NIPBL: variants seen among roughly 807,000 people sequenced by gnomAD.
The protein encoded by NIPBL is NIPBL cohesin loading factor.
In NIPBL, 19 loss-of-function variants were observed where a neutral mutation model predicts 321.8. That is an observed-to-expected ratio of 0.06 (90% CI 0.04 to 0.09). The LOEUF (loss-of-function observed/expected upper bound fraction) is 0.09, where lower values mean the gene tolerates loss of function less well. Ranked by LOEUF, NIPBL falls within the 10% of genes least tolerant of loss-of-function variation. The pLI, the probability that NIPBL is intolerant of heterozygous loss-of-function variation, is 1.00. For missense variants in NIPBL, 2,210 were observed against 3,327.0 expected (o/e 0.66, Z 8.26); for synonymous variants, 1,106 against 1,114.1 (o/e 0.99, Z 0.14).
chr5:36,979,919 C>T (rs1439708643), intron 9 of NIPBL, among the ~76,000 whole-genome samples: 2 of 151,522 alleles, frequency 1.3e-5, no homozygotes, highest in African/African-American at 4.8e-5. Flanking sequence ...TTTTGCATGA[C>T]GTTAAATCTG....
At chr5:37,036,039 G>A (rs1751646532) in intron 32 of NIPBL, among the ~76,000 whole-genome samples, 1 of 151,912 alleles carries the variant, frequency 6.6e-6, no homozygotes, top group South Asian at 2.1e-4. Flanking sequence ...ATGTGATACT[G>A]TGTTTTTGAT....
intron 1 of NIPBL, chr5:36,885,170 C>CTGAGT: frequency 2.0e-6 from 1 of 501,532 alleles, no homozygotes; most frequent in East Asian, 5.6e-5. Flanking sequence ...TCAGCAAAGC[C>CTGAGT]TGAGTCCTGT....
At chr5:37,033,410 A>G (rs965797485) in intron 32 of NIPBL, among the ~76,000 whole-genome samples, 3 of 152,036 alleles carry the variant, frequency 2.0e-5, no homozygotes, top group African/African-American at 7.2e-5. Flanking sequence ...TTAGTACGAA[A>G]TAGAACAATG....
intron 6 of NIPBL, among the ~76,000 whole-genome samples, chr5:36,970,594 T>C (rs1267784715): frequency 2.6e-5 from 4 of 151,706 alleles, no homozygotes; most frequent in African/African-American, 7.3e-5. Flanking sequence ...TAAACTCAGA[T>C]CAAAATAGTG....
At chr5:36,887,054 C>T (rs533917801) in intron 1 of NIPBL, among the ~76,000 whole-genome samples, 1 of 152,182 alleles carries the variant, frequency 6.6e-6, no homozygotes, top group Admixed American at 6.5e-5. Context: ...TGGCAGCTGC[C>T]TTATTATTGA....
intron 1 of NIPBL, among the ~76,000 whole-genome samples, chr5:36,921,886 T>G (rs1748972545): frequency 6.9e-6 from 1 of 144,648 alleles, no homozygotes; most frequent in Non-Finnish European, 1.5e-5. Context: ...GTTTTGGGTT[T>G]TTTTTGTTTT....
rs771855265 is a variant in NIPBL at position 37,048,705 on chromosome 5, A to G, written c.6763+30A>G. 76 of 1,477,820 alleles carry G rather than the reference A, an allele frequency of 5.1e-5. No individual in the cohort carries two copies. The Middle Eastern group carries it at 1.0e-3, about 19-fold the overall frequency. 91.5% of individuals were successfully genotyped at this position (1,477,820 alleles called of 1,614,324 possible). A position where few individuals can be genotyped will look rare whatever the true frequency, so the allele number is the denominator to read the frequency against. On this transcript the variant is annotated intron_variant, in intron 39 of 46. Coordinates refer to ENST00000282516, the MANE Select transcript of NIPBL (RefSeq NM_133433.4). ...GTGAAAATATATTTTTAAATTTCAT[A>G]GCTACATTTATATTATAATGGCTTT...
chr5:36,996,007 T>C lies in NIPBL; in HGVS notation c.3304+203T>C, dbSNP rs1056203220. The stretch of plus-strand genomic sequence containing the variant: ...ACCAAGAAAAAAATATTAAATAAGC[T>C]ACAATTAATTTTAAAACACAGGTAG... On this transcript the variant is annotated intron_variant, in intron 11 of 46. Transcript: ENST00000282516. This position sits in a 1 kb window ranked among gnomAD's most constrained non-coding sequence, Gnocchi z 5.0. 1.4e-4 allele frequency among the ~76,000 whole-genome samples: 22 copies of C among 152,154 alleles called. No homozygotes were observed. Among genetic ancestry groups the C allele is most frequent in the African/African-American group, 4.3e-4 (18 of 41,438 alleles).
chr5:37,064,537 G>A lies in NIPBL; in HGVS notation c.8060G>A (p.Arg2687Lys), dbSNP rs1579633463. Residue 2687 changes from arginine (R) to lysine (K), a missense_variant, in exon 47 of 47, where the codon AGG becomes AAG. Physicochemically the swap from Arg to Lys is conservative, Grantham distance 26. Around this residue, in one of 14 missense-constraint regions of NIPBL, gnomAD observed 159 missense variants for 319.2 expected, o/e 0.50. Transcript: ENST00000282516. ...CTCCCAATGTTTTAGTCATTGAGAA[G>A]GTCAAAACGAAATTCAGACTCTACG... The part of the protein sequence containing the change: ...RGGGTSGSLR[R>K]SKRNSDSTEL... 6.2e-7 allele frequency: 1 copy of A among 1,613,058 alleles called. No individual in the cohort carries two copies. The highest frequency in any genetic ancestry group is 1.3e-5 in the African/African-American group (1 of 74,896).
intron 1 of NIPBL, among the ~76,000 whole-genome samples, chr5:36,910,707 GAAGGTA>G (rs1378179839): frequency 1.3e-5 from 2 of 152,140 alleles, no homozygotes; most frequent in African/African-American, 4.8e-5. Flanking sequence ...GGTGGAGTAA[GAAGGTA>G]AAGGTAAAGG....
intron 1 of NIPBL, among the ~76,000 whole-genome samples, chr5:36,942,695 C>T (rs542558627): frequency 3.3e-5 from 5 of 149,548 alleles, no homozygotes; most frequent in East Asian, 3.9e-4. Flanking sequence ...GAGCCGAGAT[C>T]GCACCACTGC....
Position 37,008,738 on chromosome 5 carries a change from C to G in NIPBL, c.4421+15C>G. 7.7e-7 allele frequency: 1 copy of G among 1,306,030 alleles called. No individual in the cohort carries two copies. The highest frequency in any genetic ancestry group is 1.1e-6 in the Non-Finnish European group (1 of 899,192). 80.9% of individuals were successfully genotyped at this position (1,306,030 alleles called of 1,614,324 possible). On this transcript the variant is annotated intron_variant, in intron 20 of 46. Coordinates refer to ENST00000282516, the MANE Select transcript of NIPBL (RefSeq NM_133433.4). ...AGGAACTTCAGGTAATTAATTATAACAGAGGTCAAGTTTAATGAAGAACCA... is the reference window on the plus strand; with the variant it reads ...AGGAACTTCAGGTAATTAATTATAAGAGAGGTCAAGTTTAATGAAGAACCA...
intron 42 of NIPBL, among the ~76,000 whole-genome samples, chr5:37,054,399 G>A (rs1470242614): frequency 1.3e-5 from 2 of 152,064 alleles, no homozygotes; most frequent in African/African-American, 2.4e-5. Context: ...GACACTATAC[G>A]AGGAGTGCCA....
intron 1 of NIPBL, among the ~76,000 whole-genome samples, chr5:36,952,053 T>TGTGTGTGTGCGCGCGCGC (rs778597604): frequency 2.7e-5 from 3 of 112,214 alleles, no homozygotes; most frequent in Non-Finnish European, 3.7e-5. Context: ...TGTGTGTGTG[T>TGTGTGTGTGCGCGCGCGC]GCGCGCGCGC....
intron 16 of NIPBL, 79 bp downstream of exon 16, chr5:37,003,426 T>A: frequency 2.4e-6 from 2 of 831,010 alleles, no homozygotes; most frequent in Non-Finnish European, 4.0e-6. Flanking sequence ...CTCTATTGTT[T>A]CATTTTCCAT....
chr5:36,877,849 A>C (rs1745213685), intron 1 of NIPBL, among the ~76,000 whole-genome samples: 1 of 152,208 alleles, frequency 6.6e-6, no homozygotes, highest in African/African-American at 2.4e-5. Flanking sequence ...ATACAGAAAA[A>C]CATACTGTGG....
intron 4 of NIPBL, among the ~76,000 whole-genome samples, chr5:36,959,335 G>C (rs1381297638): frequency 1.3e-5 from 2 of 152,148 alleles, no homozygotes; most frequent in African/African-American, 4.8e-5. Context: ...TGCTGATTCT[G>C]TGTACTTGTG....
At chr5:37,007,967 C>T in intron 18 of NIPBL, 41 bp from the exon 19 acceptor site, 1 of 1,123,992 alleles carries the variant, frequency 8.9e-7, no homozygotes, top group Non-Finnish European at 1.4e-6. Context: ...TTACTGAAAT[C>T]AACTAAAGGT....
rs587783992 is a variant in NIPBL at position 37,038,701 on chromosome 5, C to T, written c.6071C>T (p.Ala2024Val). The stretch of plus-strand genomic sequence containing the variant: ...AGACCCCAGCTCATGGTTAAACATG[C>T]AATGACTATGCAACCATACCTTACC... ...KIRPQLMVKH[A>V]MTMQPYLTTK... The change falls in exon 34 of 47, where the codon GCA becomes GTA. Residue 2024 changes from alanine to valine, a missense_variant. Ala to Val is a moderately conservative substitution (Grantham distance 64). Transcript: ENST00000282516. 2 of 1,613,694 alleles carry T rather than the reference C, an allele frequency of 1.2e-6. No individual in the cohort carries two copies. Among genetic ancestry groups the T allele is most frequent in the South Asian group, 2.2e-5 (2 of 91,058 alleles).
Sources: gnomAD v4.1 joint callset for allele counts (sites outside exome capture counted in the v4.1 genomes callset) on GRCh38, gnomAD v4.1.1 for gene constraint, gnomAD v4.1.1 regional missense constraint, Gnocchi (gnomAD v3.1) non-coding constraint, MANE v1.5 for transcripts, NCBI Gene and HGNC (gene_info 2026-07-23, HGNC 2026-07-21) for gene names.